The following AKAP13 variants were observed in gnomAD, a reference collection of about 807,000 sequenced individuals.
AKAP13 encodes A-kinase anchoring protein 13, also known as A-kinase anchor protein 13.
A neutral mutation model predicts 264.5 loss-of-function variants in AKAP13; 80 were observed. That is an observed-to-expected ratio of 0.30 (90% CI 0.25 to 0.36). AKAP13 has a LOEUF of 0.36. AKAP13 is among the 10% of genes least tolerant of loss of function. AKAP13 has a pLI of 1.00. For missense variants in AKAP13, 3,712 were observed against 3,435.2 expected (o/e 1.08, Z -2.01); for synonymous variants, 1,380 against 1,250.2 (o/e 1.10, Z -2.19).
At chr15:85,682,056 G>A (rs936270696) in intron 14 of AKAP13, 102 bp from the exon 15 acceptor site, 13 of 1,074,028 alleles carry the variant, frequency 1.2e-5, no homozygotes, top group Admixed American at 1.9e-5. Flanking sequence ...ACTTTCACAC[G>A]CTGTTTTTGC....
At chr15:85,638,819 C>A (rs1456505731) in intron 8 of AKAP13, among the ~76,000 whole-genome samples, 1 of 151,718 alleles carries the variant, frequency 6.6e-6, no homozygotes, top group Non-Finnish European at 1.5e-5. Flanking sequence ...TGCAGTGGCG[C>A]GATCTCTGCT....
chr15:85,740,913 G>A (rs1199382530), intron 34 of AKAP13, 133 bp from the exon 35 acceptor site: 28 of 1,418,128 alleles, frequency 2.0e-5, no homozygotes, highest in South Asian at 8.9e-5. Flanking sequence ...TTTATGAGAC[G>A]GGCTTGAAAA....
At chr15:85,583,997 A>G (rs1046908962) in intron 7 of AKAP13, among the ~76,000 whole-genome samples, 1 of 152,206 alleles carries the variant, frequency 6.6e-6, no homozygotes, top group African/African-American at 2.4e-5. Context: ...CTACAGAGAA[A>G]GTAGCCAGTC....
Position 85,718,090 on chromosome 15 carries a change from C to T in AKAP13, c.5932C>T (p.Arg1978Trp), listed in dbSNP as rs148718462. ...SKQLEAESWSRIIDSKFLKQQ... is the reference protein window; with the variant it reads ...SKQLEAESWSWIIDSKFLKQQ... Reference sequence around the variant, plus strand: ...ACAGCTGGAAGCAGAGTCTTGGAGTCGGATAATAGACAGCAAGTTTCTAAA... The same window carrying T: ...ACAGCTGGAAGCAGAGTCTTGGAGTTGGATAATAGACAGCAAGTTTCTAAA... Residue 1978 changes from arginine to tryptophan, a missense_variant, in exon 22 of 37, where the codon CGG becomes TGG. Transcript: ENST00000394518. This position sits in a 1 kb window ranked among gnomAD's most constrained non-coding sequence, Gnocchi z 4.9. The T allele has an allele frequency of 1.4e-5, 22 of 1,613,920 alleles. No homozygotes were observed. The highest frequency in any genetic ancestry group is 1.7e-5 in the Non-Finnish European group (20 of 1,180,010).
chr15:85,671,165 G>A (rs1444176077), intron 14 of AKAP13, among the ~76,000 whole-genome samples: 2 of 151,952 alleles, frequency 1.3e-5, no homozygotes, highest in African/African-American at 2.4e-5. Flanking sequence ...ATATAATTCA[G>A]TTTAAGAGTT....
At chr15:85,509,338 T>C (rs1004467956) in intron 2 of AKAP13, among the ~76,000 whole-genome samples, 2 of 152,190 alleles carry the variant, frequency 1.3e-5, no homozygotes, top group Non-Finnish European at 2.9e-5. Context: ...CTAAATAATA[T>C]TAAAGATTTT....
intron 5 of AKAP13, among the ~76,000 whole-genome samples, chr15:85,557,769 C>T (rs2078205396): frequency 6.6e-6 from 1 of 152,134 alleles, no homozygotes; most frequent in Non-Finnish European, 1.5e-5. Flanking sequence ...GCCCCCATGC[C>T]CACACGACAG....
intron 8 of AKAP13, among the ~76,000 whole-genome samples, chr15:85,633,535 CTTTTT>C (rs56687591): frequency 7.2e-5 from 7 of 97,758 alleles, no homozygotes; most frequent in South Asian, 3.4e-4. Flanking sequence ...CTTTTTTTTT[CTTTTT>C]TTTTTTTTTT....
rs1567080811 is a variant in AKAP13 at position 85,483,641 on chromosome 15, A to AACAAAC, written c.-11-2068_-11-2067insCAAACA. 4.6e-4 allele frequency among the ~76,000 whole-genome samples: 66 copies of AACAAAC among 143,262 alleles called. No homozygotes were observed. The Middle Eastern group carries it at 0.017, about 37-fold the overall frequency. 94.0% of individuals were successfully genotyped at this position (143,262 alleles called of 152,430 possible). A position where few individuals can be genotyped will look rare whatever the true frequency, so the allele number is the denominator to read the frequency against. ...GAGCGAGACTCCGTCTCAAAAAAAA[A>AACAAAC]AAAAAAAAAACACCAAAAAATCAGC... On this transcript the variant is annotated intron_variant, in intron 1 of 36. Coordinates refer to ENST00000394518, the MANE Select transcript of AKAP13 (RefSeq NM_007200.5).
chr15:85,456,290 A>G (rs1387997464), intron 1 of AKAP13, among the ~76,000 whole-genome samples: 2 of 152,158 alleles, frequency 1.3e-5, no homozygotes, highest in African/African-American at 4.8e-5. Context: ...TTTTAGTTAA[A>G]CAGACCTTTC....
At chr15:85,649,190 T>C (rs2082693457) in intron 10 of AKAP13, among the ~76,000 whole-genome samples, 2 of 152,244 alleles carry the variant, frequency 1.3e-5, no homozygotes, top group Admixed American at 1.3e-4. Context: ...TGGGTGGTTT[T>C]ATGCTCTTGA....
At position 85,696,163 on chromosome 15, in the gene AKAP13, G is replaced by C. The variant is rs2085556248; in HGVS notation, c.5464+2712G>C. On this transcript the variant is annotated intron_variant, in intron 17 of 36. Coordinates refer to ENST00000394518, the MANE Select transcript of AKAP13 (RefSeq NM_007200.5). ...TTCTGGTTAGTTATTAGTATGATTAGTATTGTCTTTGATTCATGACTTCTT... is the reference window on the plus strand; with the variant it reads ...TTCTGGTTAGTTATTAGTATGATTACTATTGTCTTTGATTCATGACTTCTT... 2.0e-5 allele frequency among the ~76,000 whole-genome samples: 3 copies of C among 152,248 alleles called. No individual in the cohort carries two copies. The South Asian group carries it at 6.2e-4, about 32-fold the overall frequency.
intron 1 of AKAP13, among the ~76,000 whole-genome samples, chr15:85,473,213 A>T (rs2075027029): frequency 1.3e-5 from 2 of 152,134 alleles, no homozygotes; most frequent in Admixed American, 6.5e-5. Context: ...CTAAAAGTAA[A>T]GCTACTGCTT....
chr15:85,648,928 A>C (rs770696391), intron 10 of AKAP13, among the ~76,000 whole-genome samples: 1 of 152,216 alleles, frequency 6.6e-6, no homozygotes, highest in Non-Finnish European at 1.5e-5. Context: ...CTCCTCATGC[A>C]TGCTTGAGAA....
intron 10 of AKAP13, among the ~76,000 whole-genome samples, chr15:85,649,791 A>C (rs902842374): frequency 2.0e-5 from 3 of 152,186 alleles, no homozygotes; most frequent in African/African-American, 7.2e-5. Flanking sequence ...AAGTGAAAAG[A>C]AATCCTAGGA....
chr15:85,488,782 G>T (rs1437302903), intron 2 of AKAP13, among the ~76,000 whole-genome samples: 2 of 152,210 alleles, frequency 1.3e-5, no homozygotes, highest in Non-Finnish European at 2.9e-5. Context: ...AGAGACTCTA[G>T]AAGGAACACA....
rs58498483 is a variant in AKAP13 at position 85,588,015 on chromosome 15, CA to C, written c.4161+2204del. Reference sequence around the variant, plus strand: ...CCTATGCTTTAGATTCCATGGTGGTCAAAAAAAAAAAATTAGAAAGCTGAAA... The same window carrying C: ...CCTATGCTTTAGATTCCATGGTGGTCAAAAAAAAAAATTAGAAAGCTGAAA... On this transcript the variant is annotated intron_variant, in intron 8 of 36. Coordinates refer to ENST00000394518, the MANE Select transcript of AKAP13 (RefSeq NM_007200.5). Among the ~76,000 whole-genome samples the C allele has an allele frequency of 2.2e-3, 324 of 144,332 alleles. 1 individual carries two copies. The highest frequency in any genetic ancestry group is 0.011 in the Middle Eastern group (3 of 280). 94.7% of individuals were successfully genotyped at this position (144,332 alleles called of 152,430 possible).
intron 2 of AKAP13, among the ~76,000 whole-genome samples, chr15:85,493,089 G>A (rs901717611): frequency 1.3e-5 from 2 of 152,216 alleles, no homozygotes; most frequent in Non-Finnish European, 2.9e-5. Context: ...ATAGGCGAAA[G>A]GGCTAATGTC....
At chr15:85,537,454 C>G (rs1180830851) in intron 4 of AKAP13, among the ~76,000 whole-genome samples, 1 of 152,206 alleles carries the variant, frequency 6.6e-6, no homozygotes, top group Non-Finnish European at 1.5e-5. Context: ...AATCCTCCTA[C>G]TGTTTTAATT....
Sources: gnomAD v4.1 joint callset for allele counts (sites outside exome capture counted in the v4.1 genomes callset) on GRCh38, gnomAD v4.1.1 for gene constraint, Gnocchi (gnomAD v3.1) non-coding constraint, MANE v1.5 for transcripts, NCBI Gene and HGNC (gene_info 2026-07-23, HGNC 2026-07-21) for gene names.